The following MAPKAPK5 variants were observed in gnomAD, a reference collection of about 807,000 sequenced individuals.
MAPKAPK5 encodes the protein MAPK activated protein kinase 5.
A neutral mutation model predicts 65.1 loss-of-function variants in MAPKAPK5; 30 were observed. The observed-to-expected ratio is 0.46, with a 90% CI of 0.34 to 0.63. The LOEUF (loss-of-function observed/expected upper bound fraction) is 0.63, where lower values mean the gene tolerates loss of function less well. MAPKAPK5 is among the 20% of genes least tolerant of loss of function. The probability of loss-of-function intolerance (pLI) is 0.01; values close to 1 mark genes in which losing one functional copy is unlikely to be tolerated. For missense variants in MAPKAPK5, 433 were observed against 581.4 expected (o/e 0.74, Z 2.63); for synonymous variants, 179 against 204.6 (o/e 0.87, Z 1.07).
At chr12:111,866,734 C>T (rs1049139736) in intron 3 of MAPKAPK5, among the ~76,000 whole-genome samples, 17 of 152,236 alleles carry the variant, frequency 1.1e-4, no homozygotes, top group Admixed American at 5.9e-4. Flanking sequence ...CTCAGCCTCC[C>T]GAATAGCTGG....
intron 1 of MAPKAPK5, among the ~76,000 whole-genome samples, chr12:111,863,900 C>T (rs1041639826): frequency 4.6e-5 from 7 of 152,064 alleles, no homozygotes; most frequent in Non-Finnish European, 7.4e-5. Flanking sequence ...CCACTGTGCC[C>T]GGCAGGATTT....
Position 111,896,966 on chromosome 12 carries a change from T to C in MAPKAPK5, c.*3905T>C, listed in dbSNP as rs1375675809. The C allele has an allele frequency of 2.0e-5, 3 of 152,202 alleles. No individual in the cohort carries two copies. The highest frequency in any genetic ancestry group is 7.2e-5 in the African/African-American group (3 of 41,430). The allele number at this position is 152,202 out of a possible 1,614,324, so 9.4% of individuals were successfully genotyped here. ...GGCCAACATGGTGAAATGCCGTCTC[T>C]ACTAAAAATACAAAAATTAGCCAGG... On this transcript the variant is annotated 3_prime_UTR_variant, in exon 14 of 14. Transcript: ENST00000550735.
In MAPKAPK5 at chr12:111,898,985, A is replaced by G. The variant is rs1730508378; in HGVS notation, c.*5924A>G. ...GATCACTACAGGCCTTCTACTTGGA[A>G]TATCTTCCCATGAAAGTAAAAGGAA... On this transcript the variant is annotated 3_prime_UTR_variant, in exon 14 of 14. Coordinates refer to ENST00000550735, the MANE Select transcript of MAPKAPK5 (RefSeq NM_003668.4). 6.6e-6 allele frequency: 1 copy of G among 152,226 alleles called. No individual in the cohort carries two copies. Among genetic ancestry groups the G allele is most frequent in the Non-Finnish European group, 1.5e-5 (1 of 68,052 alleles). 9.4% of individuals were successfully genotyped at this position (152,226 alleles called of 1,614,324 possible). A position where few individuals can be genotyped will look rare whatever the true frequency, so the allele number is the denominator to read the frequency against.
rs2070854850 is a variant in MAPKAPK5 at position 111,897,283 on chromosome 12, T to C, written c.*4222T>C. 6.6e-6 allele frequency: 1 copy of C among 152,246 alleles called. No individual in the cohort carries two copies. Among genetic ancestry groups the C allele is most frequent in the South Asian group, 2.1e-4 (1 of 4,828 alleles). 9.4% of individuals were successfully genotyped at this position (152,246 alleles called of 1,614,324 possible). On this transcript the variant is annotated 3_prime_UTR_variant, in exon 14 of 14. Coordinates refer to ENST00000550735, the MANE Select transcript of MAPKAPK5 (RefSeq NM_003668.4). Reference sequence around the variant, plus strand: ...CAGGAATTACTCTTTAAAAAGAGTTTATGTTGCTTGTATTCATTTGAGAAA... The same window carrying C: ...CAGGAATTACTCTTTAAAAAGAGTTCATGTTGCTTGTATTCATTTGAGAAA...
At chr12:111,854,343 C>G (rs12313385) in intron 1 of MAPKAPK5, among the ~76,000 whole-genome samples, 29,680 of 151,504 alleles carry the variant, frequency 0.2, 3,116 homozygotes, top group Middle Eastern at 0.27. Flanking sequence ...CCTGGTTCAA[C>G]TGATTATTTT....
rs543699932 is a variant in MAPKAPK5 at position 111,895,923 on chromosome 12, T to C, written c.*2862T>C. On this transcript the variant is annotated 3_prime_UTR_variant, in exon 14 of 14. Transcript: ENST00000550735. ...CCAGAAAACTTGACTGAGAGTTGAA[T>C]TAAGTGCCTGTTGTTGTGTTTTTCA... The C allele has an allele frequency of 6.6e-6, 1 of 152,246 alleles. No homozygotes were observed. The highest frequency in any genetic ancestry group is 1.5e-5 in the Non-Finnish European group (1 of 68,040). 9.4% of individuals were successfully genotyped at this position (152,246 alleles called of 1,614,324 possible). A position where few individuals can be genotyped will look rare whatever the true frequency, so the allele number is the denominator to read the frequency against.
chr12:111,878,384 C>T (rs1486240102), intron 7 of MAPKAPK5, among the ~76,000 whole-genome samples: 3 of 151,620 alleles, frequency 2.0e-5, no homozygotes, highest in African/African-American at 7.3e-5. Flanking sequence ...GTTGTTCTAG[C>T]ACCATTTGTT....
chr12:111,868,482 T>A (rs1593153148), intron 4 of MAPKAPK5, among the ~76,000 whole-genome samples: 1 of 152,214 alleles, frequency 6.6e-6, no homozygotes, highest in African/African-American at 2.4e-5. Flanking sequence ...AAAAAACGCT[T>A]ATTTTTCACA....
rs2136178932 is a variant in MAPKAPK5, at chr12:111,897,650, T to G, written c.*4589T>G. On this transcript the variant is annotated 3_prime_UTR_variant, in exon 14 of 14. Coordinates refer to ENST00000550735, the MANE Select transcript of MAPKAPK5 (RefSeq NM_003668.4). ...ACAAGAAATACAGCTGGAAATCATTTCACTTTTCTTGCTGTAAATTTTTTT... is the reference window on the plus strand; with the variant it reads ...ACAAGAAATACAGCTGGAAATCATTGCACTTTTCTTGCTGTAAATTTTTTT... 1 of 152,354 alleles carries G rather than the reference T, an allele frequency of 6.6e-6. No individual in the cohort carries two copies. The highest frequency in any genetic ancestry group is 2.1e-4 in the South Asian group (1 of 4,828). 9.4% of individuals were successfully genotyped at this position (152,354 alleles called of 1,614,324 possible). A position where few individuals can be genotyped will look rare whatever the true frequency, so the allele number is the denominator to read the frequency against.
rs1460812660 is a variant in MAPKAPK5, at chr12:111,900,496, A to G, written c.*7435A>G. 4.4e-6 allele frequency: 2 copies of G among 456,088 alleles called. No homozygotes were observed. Among genetic ancestry groups the G allele is most frequent in the South Asian group, 3.1e-5 (2 of 64,562 alleles). The allele number at this position is 456,088 out of a possible 1,614,324, so 28.3% of individuals were successfully genotyped here. ...AGCTGCAGCTCTGACTACTTCTACC[A>G]GTTCCTTCGAGAACACAAAGGGGCC... On this transcript the variant is annotated 3_prime_UTR_variant, in exon 14 of 14. Coordinates refer to ENST00000550735, the MANE Select transcript of MAPKAPK5 (RefSeq NM_003668.4).
At chr12:111,860,521 A>G (rs2136094417) in intron 1 of MAPKAPK5, among the ~76,000 whole-genome samples, 1 of 152,318 alleles carries the variant, frequency 6.6e-6, no homozygotes, top group South Asian at 2.1e-4. Context: ...TGGTAGATCC[A>G]TGAATTTTCT....
At chr12:111,870,163 C>T (rs979026329) in intron 5 of MAPKAPK5, 108 bp from the exon 6 acceptor site, 20 of 563,044 alleles carry the variant, frequency 3.6e-5, no homozygotes, top group Non-Finnish European at 5.2e-5. Context: ...TGAAAGTGAA[C>T]GCAGTCTTAA....
chr12:111,871,455 A>T (rs1398113413), intron 7 of MAPKAPK5, among the ~76,000 whole-genome samples: 1 of 152,090 alleles, frequency 6.6e-6, no homozygotes, highest in Non-Finnish European at 1.5e-5. Flanking sequence ...CCTGGATAAC[A>T]CGGTGAAACC....
rs1411124120 is a variant in MAPKAPK5 at position 111,901,209 on chromosome 12, C to G, written c.*8148C>G. On this transcript the variant is annotated 3_prime_UTR_variant, in exon 14 of 14. Transcript: ENST00000550735. ...TTACTGTGCACCAAACAAAGTCTGC[C>G]TGAATTCCGCCTGCACAGATAAAAC... 1 of 456,030 alleles carries G rather than the reference C, an allele frequency of 2.2e-6. No homozygotes were observed. The highest frequency in any genetic ancestry group is 4.4e-6 in the Non-Finnish European group (1 of 226,788). 28.2% of individuals were successfully genotyped at this position (456,030 alleles called of 1,614,324 possible).
At chr12:111,862,229 A>G (rs1226255437) in intron 1 of MAPKAPK5, among the ~76,000 whole-genome samples, 1 of 152,168 alleles carries the variant, frequency 6.6e-6, no homozygotes, top group Admixed American at 6.5e-5. Flanking sequence ...CAAAGATGGA[A>G]GAATTAAGCC....
chr12:111,849,465 T>C (rs2069003407), intron 1 of MAPKAPK5, among the ~76,000 whole-genome samples: 1 of 151,570 alleles, frequency 6.6e-6, no homozygotes, highest in Non-Finnish European at 1.5e-5. Flanking sequence ...AGTTTTGCCA[T>C]GTTGGCCAGG....
intron 1 of MAPKAPK5, among the ~76,000 whole-genome samples, chr12:111,848,881 C>T (rs2068983746): frequency 6.6e-6 from 1 of 152,066 alleles, no homozygotes; most frequent in Non-Finnish European, 1.5e-5. Context: ...AGGCATGCGC[C>T]ACCATGCCCA....
chr12:111,843,056 G>T, intron 1 of MAPKAPK5: 1 of 398,694 alleles, frequency 2.5e-6, no homozygotes, highest in South Asian at 1.3e-4. Context: ...TGAATGGGAC[G>T]AAGAGAGCCC....
chr12:111,846,964 C>T (rs1372683604), intron 1 of MAPKAPK5, among the ~76,000 whole-genome samples: 1 of 152,092 alleles, frequency 6.6e-6, no homozygotes, highest in East Asian at 1.9e-4. Context: ...ATAGGGCTCA[C>T]TACTATCCAA....
Sources: allele counts gnomAD v4.1 joint callset (sites outside exome capture counted in the v4.1 genomes callset), GRCh38; gene constraint gnomAD v4.1.1; transcripts MANE v1.5; gene names NCBI Gene and HGNC (gene_info 2026-07-23, HGNC 2026-07-21).